Variants in FSTL4 observed in about 807,000 individuals in gnomAD.
FSTL4 encodes the protein follistatin-related protein 4.
In FSTL4, 28 loss-of-function variants were observed where a neutral mutation model predicts 78.2. The observed-to-expected ratio is 0.36, with a 90% CI of 0.27 to 0.49. FSTL4 has a LOEUF of 0.49. FSTL4 is among the 20% of genes least tolerant of loss of function. The probability of loss-of-function intolerance (pLI) is 0.98; values close to 1 mark genes in which losing one functional copy is unlikely to be tolerated. For missense variants in FSTL4, 922 were observed against 1,084.9 expected (o/e 0.85, Z 2.11); for synonymous variants, 422 against 440.5 (o/e 0.96, Z 0.53).
chr5:133,601,363 G>A (rs149747108), intron 2 of FSTL4, among the ~76,000 whole-genome samples: 7 of 152,314 alleles, frequency 4.6e-5, no homozygotes, highest in African/African-American at 1.4e-4. Context: ...AAAAATAAAA[G>A]AGTAAGAAAA....
At chr5:133,836,228 G>A in the FSTL4 span, among the ~76,000 whole-genome samples, 1 of 151,918 alleles carries the variant, frequency 6.6e-6, no homozygotes, top group Non-Finnish European at 1.5e-5. Flanking sequence ...CAGTTGTCCT[G>A]TCTGTTTTAT....
chr5:133,734,358 T>C, the FSTL4 span, among the ~76,000 whole-genome samples: 5 of 152,218 alleles, frequency 3.3e-5, no homozygotes, highest in Non-Finnish European at 7.3e-5. Flanking sequence ...GATAATAGCA[T>C]TGTAGCCATA....
At chr5:133,608,430 A>T (rs1761019797) in intron 1 of FSTL4, among the ~76,000 whole-genome samples, 1 of 152,258 alleles carries the variant, frequency 6.6e-6, no homozygotes. Context: ...GCTGCCGCAT[A>T]GATAGGACAC....
intron 4 of FSTL4, among the ~76,000 whole-genome samples, chr5:133,396,734 G>GA (rs569954705): frequency 2.6e-5 from 4 of 151,826 alleles, no homozygotes; most frequent in East Asian, 1.9e-4. Flanking sequence ...AGAAGAAGAA[G>GA]AAAAAAATGG....
At chr5:133,807,022 A>G in the FSTL4 span, among the ~76,000 whole-genome samples, 4 of 151,820 alleles carry the variant, frequency 2.6e-5, no homozygotes, top group Non-Finnish European at 4.4e-5. Context: ...CCCACATGCT[A>G]TGAATATGCA....
At chr5:133,575,159 A>G (rs1284847937) in intron 2 of FSTL4, 2 of 152,244 alleles carry the variant, frequency 1.3e-5, no homozygotes, top group Non-Finnish European at 2.9e-5. Context: ...TTTACAGATG[A>G]AGAAAGATGT....
the FSTL4 span, among the ~76,000 whole-genome samples, chr5:133,684,653 A>T: frequency 2.0e-5 from 3 of 152,220 alleles, no homozygotes; most frequent in East Asian, 5.8e-4. Flanking sequence ...CATCATTGAG[A>T]TATAGAGTTT....
the FSTL4 span, among the ~76,000 whole-genome samples, chr5:133,800,476 A>G: frequency 7.2e-6 from 1 of 138,756 alleles, no homozygotes; most frequent in Non-Finnish European, 1.6e-5. Flanking sequence ...ATGTTTTGAG[A>G]AAGTTTATGA....
the FSTL4 span, among the ~76,000 whole-genome samples, chr5:133,705,048 G>A: frequency 1.3e-5 from 2 of 152,160 alleles, no homozygotes; most frequent in Admixed American, 6.5e-5. Flanking sequence ...AAAGTTAGTG[G>A]AATATATGTT....
intron 4 of FSTL4, among the ~76,000 whole-genome samples, chr5:133,398,013 G>A (rs752870088): frequency 3.8e-4 from 58 of 152,140 alleles, no homozygotes; most frequent in Non-Finnish European, 7.5e-4. Flanking sequence ...GGGGACTGTA[G>A]GAACTTGTTC....
chr5:133,770,106 G>A, the FSTL4 span, among the ~76,000 whole-genome samples: 1 of 151,934 alleles, frequency 6.6e-6, no homozygotes, highest in African/African-American at 2.4e-5. Flanking sequence ...GTGTGTGTGT[G>A]TATAACATTT....
At chr5:133,795,991 G>A in the FSTL4 span, among the ~76,000 whole-genome samples, 1 of 152,186 alleles carries the variant, frequency 6.6e-6, no homozygotes, top group Non-Finnish European at 1.5e-5. Context: ...TCCCTGCCCT[G>A]CACTTCCACC....
At chr5:133,713,487 G>A in the FSTL4 span, among the ~76,000 whole-genome samples, 10 of 152,204 alleles carry the variant, frequency 6.6e-5, no homozygotes, top group Non-Finnish European at 1.2e-4. Flanking sequence ...GTGATGCAGA[G>A]AACTTGAGAT....
chr5:133,489,749 G>C (rs76225041), intron 3 of FSTL4, among the ~76,000 whole-genome samples: 2,421 of 152,220 alleles, frequency 0.016, 73 homozygotes, highest in African/African-American at 0.055. Flanking sequence ...AGAGCTCCTT[G>C]GCTCTACCTG....
chr5:133,538,565 T>C (rs1332168641), intron 3 of FSTL4, among the ~76,000 whole-genome samples: 2 of 152,172 alleles, frequency 1.3e-5, no homozygotes, highest in African/African-American at 2.4e-5. Context: ...GACTTTTTTT[T>C]TTTAACTCCA....
In FSTL4 at chr5:133,372,498, C is replaced by T. The variant is rs183996485; in HGVS notation, c.409+28240G>A. The stretch of plus-strand genomic sequence containing the variant: ...GCCAACCTTCCAGGCCTTTCCACAA[C>T]GAGCCCTGGAGTCAGCAGGAAGCCA... On this transcript the variant is annotated intron_variant, in intron 4 of 15. Coordinates refer to ENST00000265342, the MANE Select transcript of FSTL4 (RefSeq NM_015082.2). Among the ~76,000 whole-genome samples the T allele has an allele frequency of 3.3e-3, 505 of 152,122 alleles. 6 individuals carry two copies. The highest frequency in any genetic ancestry group is 0.011 in the African/African-American group (471 of 41,494).
At chr5:133,483,500 C>T (rs1212480632) in intron 3 of FSTL4, among the ~76,000 whole-genome samples, 2 of 152,164 alleles carry the variant, frequency 1.3e-5, no homozygotes, top group African/African-American at 4.8e-5. Flanking sequence ...TAAAGCCTGA[C>T]CATTTAAGCG....
chr5:133,565,762 T>C (rs958250795), intron 3 of FSTL4, among the ~76,000 whole-genome samples: 2 of 152,226 alleles, frequency 1.3e-5, no homozygotes, highest in African/African-American at 4.8e-5. Context: ...CCAGCCTTAT[T>C]AGAGACATTT....
At chr5:133,749,389 T>C in the FSTL4 span, among the ~76,000 whole-genome samples, 1 of 152,216 alleles carries the variant, frequency 6.6e-6, no homozygotes, top group Non-Finnish European at 1.5e-5. Context: ...TTATTTTGTA[T>C]GAATCAGAAA....
Sources: gnomAD v4.1 joint callset for allele counts (sites outside exome capture counted in the v4.1 genomes callset) on GRCh38, gnomAD v4.1.1 for gene constraint, MANE v1.5 for transcripts, NCBI Gene and HGNC (gene_info 2026-07-23, HGNC 2026-07-21) for gene names.